CSNK2A2IP: variants seen among roughly 807,000 people sequenced by gnomAD.
The protein encoded by CSNK2A2IP is casein kinase 2 subunit alpha' interacting protein.
At chr3:88,352,570 GATTA>G in the CSNK2A2IP span, among the ~76,000 whole-genome samples, 2 of 151,772 alleles carry the variant, frequency 1.3e-5, no homozygotes, top group South Asian at 4.1e-4. Context: ...TAATTTTATA[GATTA>G]ATTAATTAAT....
the CSNK2A2IP span, among the ~76,000 whole-genome samples, chr3:88,462,675 C>T: frequency 6.6e-6 from 1 of 152,140 alleles, no homozygotes; most frequent in Non-Finnish European, 1.5e-5. Flanking sequence ...GAGGGTGAAG[C>T]TGCCAGGGAT....
chr3:88,419,991 C>T, the CSNK2A2IP span, among the ~76,000 whole-genome samples: 1 of 152,140 alleles, frequency 6.6e-6, no homozygotes, highest in African/African-American at 2.4e-5. Flanking sequence ...CTCCTATTCC[C>T]ACCACATAGA....
chr3:88,418,463 T>TGC, the CSNK2A2IP span, among the ~76,000 whole-genome samples: 5 of 149,534 alleles, frequency 3.3e-5, no homozygotes, highest in African/African-American at 9.9e-5. Context: ...TGTGTGTGTG[T>TGC]GCGCGCGGGC....
chr3:88,450,409 T>C, the CSNK2A2IP span, among the ~76,000 whole-genome samples: 2 of 152,168 alleles, frequency 1.3e-5, no homozygotes, highest in South Asian at 4.1e-4. Context: ...GTAGACTTGC[T>C]AATCCAACAT....
the CSNK2A2IP span, among the ~76,000 whole-genome samples, chr3:88,371,586 C>A: frequency 1.3e-5 from 2 of 151,534 alleles, no homozygotes; most frequent in East Asian, 3.9e-4. Context: ...TCAACACATG[C>A]GTAATTGGAG....
At chr3:88,459,224 A>G in the CSNK2A2IP span, among the ~76,000 whole-genome samples, 1 of 152,044 alleles carries the variant, frequency 6.6e-6, no homozygotes, top group African/African-American at 2.4e-5. Flanking sequence ...ATTGCTAGGC[A>G]TTTATCTCTT....
the CSNK2A2IP span, among the ~76,000 whole-genome samples, chr3:88,464,217 G>A: frequency 6.6e-6 from 1 of 151,526 alleles, no homozygotes; most frequent in East Asian, 1.9e-4. Context: ...AATGCTAAAT[G>A]ACGAGTTAAT....
the CSNK2A2IP span, among the ~76,000 whole-genome samples, chr3:88,411,201 G>A: frequency 1.3e-5 from 2 of 151,868 alleles, no homozygotes; most frequent in Non-Finnish European, 2.9e-5. Context: ...CATTTTCAAG[G>A]TATAGTTGTT....
chr3:88,370,272 A>G, the CSNK2A2IP span, among the ~76,000 whole-genome samples: 1 of 151,950 alleles, frequency 6.6e-6, no homozygotes, highest in Non-Finnish European at 1.5e-5. Flanking sequence ...GATAAAGAAA[A>G]GACTGAGGTT....
the CSNK2A2IP span, among the ~76,000 whole-genome samples, chr3:88,379,644 A>C: frequency 6.6e-6 from 1 of 152,076 alleles, no homozygotes; most frequent in Non-Finnish European, 1.5e-5. Context: ...AATACAAAAG[A>C]TAATGTACAA....
chr3:88,445,803 C>A, the CSNK2A2IP span, among the ~76,000 whole-genome samples: 1 of 152,104 alleles, frequency 6.6e-6, no homozygotes, highest in South Asian at 2.1e-4. Flanking sequence ...TCATACTGCA[C>A]AAGAAACTGA....
the CSNK2A2IP span, among the ~76,000 whole-genome samples, chr3:88,392,873 AC>A: frequency 6.6e-6 from 1 of 152,184 alleles, no homozygotes; most frequent in Non-Finnish European, 1.5e-5. Flanking sequence ...CAATATGAAC[AC>A]ACTTTAAAGC....
At chr3:88,454,229 C>T in the CSNK2A2IP span, among the ~76,000 whole-genome samples, 3 of 151,876 alleles carry the variant, frequency 2.0e-5, no homozygotes, top group Non-Finnish European at 4.4e-5. Flanking sequence ...TCCAAATCAT[C>T]TTTGGAGAAC....
chr3:88,448,678 A>G, the CSNK2A2IP span, among the ~76,000 whole-genome samples: 1 of 152,198 alleles, frequency 6.6e-6, no homozygotes, highest in African/African-American at 2.4e-5. Context: ...ACGCAGACAT[A>G]CTAAACTCCA....
At chr3:88,459,985 G>T in the CSNK2A2IP span, among the ~76,000 whole-genome samples, 1 of 151,890 alleles carries the variant, frequency 6.6e-6, no homozygotes, top group East Asian at 1.9e-4. Context: ...TTTAAACTTT[G>T]AACTATTTTT....
the CSNK2A2IP span, among the ~76,000 whole-genome samples, chr3:88,356,580 A>G: frequency 6.6e-6 from 1 of 152,106 alleles, no homozygotes; most frequent in African/African-American, 2.4e-5. Context: ...ATATCTCAAT[A>G]TACTGGCTTC....
the CSNK2A2IP span, among the ~76,000 whole-genome samples, chr3:88,428,020 G>T: frequency 6.6e-6 from 1 of 152,264 alleles, no homozygotes; most frequent in South Asian, 2.1e-4. Flanking sequence ...TGTAAAAGCA[G>T]CCAGAAGGGG....
At chr3:88,346,117 G>C in the CSNK2A2IP span, among the ~76,000 whole-genome samples, 1 of 152,000 alleles carries the variant, frequency 6.6e-6, no homozygotes, top group Non-Finnish European at 1.5e-5. Context: ...CAAATCCAGA[G>C]CAAGGCTTCT....
the CSNK2A2IP span, among the ~76,000 whole-genome samples, chr3:88,451,736 T>TTG: frequency 6.6e-6 from 1 of 151,690 alleles, no homozygotes; most frequent in African/African-American, 2.4e-5. Context: ...TCTCTCTTTT[T>TTG]TTTTTTTACC....
Sources: gnomAD v4.1 joint callset for allele counts (sites outside exome capture counted in the v4.1 genomes callset) on GRCh38, gnomAD v4.1.1 for gene constraint, MANE v1.5 for transcripts, NCBI Gene and HGNC (gene_info 2026-07-23, HGNC 2026-07-21) for gene names.